Variants in VWF observed in about 807,000 individuals in gnomAD.
VWF encodes Factor VIII related antigen.
A neutral mutation model predicts 308.6 loss-of-function variants in VWF; 176 were observed. That is an observed-to-expected ratio of 0.57 (90% CI 0.50 to 0.65). The LOEUF (loss-of-function observed/expected upper bound fraction) is 0.65, where lower values mean the gene tolerates loss of function less well. Ranked by LOEUF, VWF falls within the 30% of genes least tolerant of loss-of-function variation. The pLI is 0.00. For missense variants in VWF, 3,146 were observed against 3,648.2 expected (o/e 0.86, Z 3.55); for synonymous variants, 1,385 against 1,443.4 (o/e 0.96, Z 0.92).
At chr12:5,996,879 C>T (rs557511747) in intron 34 of VWF, among the ~76,000 whole-genome samples, 1 of 152,154 alleles carries the variant, frequency 6.6e-6, no homozygotes, top group South Asian at 2.1e-4. Context: ...TCATTTTGCA[C>T]CTACATAAGA....
At chr12:5,972,814 C>T (rs1943491917) in intron 43 of VWF, among the ~76,000 whole-genome samples, 1 of 152,124 alleles carries the variant, frequency 6.6e-6, no homozygotes, top group Non-Finnish European at 1.5e-5. Context: ...TGTGTACACA[C>T]CCTCCAAGAT....
In VWF at chr12:6,111,674, A is replaced by G. The variant is rs1407745396; in HGVS notation, c.221-706T>C. Among the ~76,000 whole-genome samples the G allele has an allele frequency of 3.3e-5, 5 of 152,028 alleles. No individual in the cohort carries two copies. The East Asian group carries it at 9.6e-4, about 29-fold the overall frequency. On this transcript the variant is annotated intron_variant, in intron 3 of 51. Coordinates refer to ENST00000261405, the MANE Select transcript of VWF (RefSeq NM_000552.5). ...GTGCTATTTAAAATGGTATCGGTCG[A>G]GTGCGGTGGCTCACGCCTGTAATCC...
At chr12:6,118,376 C>CTTTT (rs71064189) in intron 3 of VWF, among the ~76,000 whole-genome samples, 3 of 65,512 alleles carry the variant, frequency 4.6e-5, no homozygotes, top group African/African-American at 5.0e-5. Context: ...CCTCTGGTCA[C>CTTTT]TTTTTTTTTT....
At position 6,034,582 on chromosome 12, in the gene VWF, C is replaced by T. The variant is rs138564551; in HGVS notation, c.2685+106G>A. The T allele has an allele frequency of 8.3e-4, 1,306 of 1,564,706 alleles. 11 individuals are homozygous for T. In the African/African-American group the frequency reaches 0.017, roughly 20 times the overall value. Reference sequence around the variant, plus strand: ...GGAAGTACTCCAGTAGAAACCAGACCCCAGAGTTGTTTCTGCAGACAGATC... The same window carrying T: ...GGAAGTACTCCAGTAGAAACCAGACTCCAGAGTTGTTTCTGCAGACAGATC... On this transcript the variant is annotated intron_variant, in intron 20 of 51. Coordinates refer to ENST00000261405, the MANE Select transcript of VWF (RefSeq NM_000552.5).
chr12:5,983,974 G>GGATAGATAGATA (rs71064178), intron 40 of VWF, among the ~76,000 whole-genome samples: 2,007 of 132,846 alleles, frequency 0.015, 19 homozygotes, highest in East Asian at 0.019. Context: ...ATGGATAGAT[G>GGATAGATAGATA]GATAGATAGA....
intron 7 of VWF, 106 bp from the exon 8 acceptor site, chr12:6,073,847 CCT>C: frequency 3.9e-6 from 6 of 1,545,996 alleles, no homozygotes; most frequent in Non-Finnish European, 5.3e-6. Flanking sequence ...TGACTGCTCC[CCT>C]CTGTCTTCAG....
At chr12:5,986,008 G>T (rs74600872) in intron 38 of VWF, among the ~76,000 whole-genome samples, 3 of 152,132 alleles carry the variant, frequency 2.0e-5, no homozygotes, top group Non-Finnish European at 4.4e-5. Flanking sequence ...GTTGTTGCTT[G>T]GGGAAAAAAA....
chr12:5,998,494 AAAAAATATATATATATATAT>A (rs1943835539), intron 34 of VWF, among the ~76,000 whole-genome samples: 1 of 36,478 alleles, frequency 2.7e-5, no homozygotes, highest in African/African-American at 1.4e-4. Context: ...AAAAAAAAAA[AAAAAATATATATATATATAT>A]ATATATATAT....
chr12:5,983,036 CTAGGTAG>C, intron 41 of VWF, 107 bp downstream of exon 41: 1 of 1,093,840 alleles, frequency 9.1e-7, no homozygotes, highest in South Asian at 1.3e-5. Flanking sequence ...CCAGATTCAG[CTAGGTAG>C]AAAACAGGAA....
intron 34 of VWF, among the ~76,000 whole-genome samples, chr12:6,000,768 C>T (rs1177253615): frequency 7.1e-6 from 1 of 140,840 alleles, no homozygotes; most frequent in East Asian, 2.2e-4. Flanking sequence ...GCCGAGATCG[C>T]GCCTCTGCAC....
At chr12:5,996,852 T>C (rs216904) in intron 34 of VWF, among the ~76,000 whole-genome samples, 58,751 of 151,850 alleles carry the variant, frequency 0.39, 12,017 homozygotes, top group East Asian at 0.75. Flanking sequence ...TATTAAAACA[T>C]TATTGGTGAA....
intron 6 of VWF, among the ~76,000 whole-genome samples, chr12:6,091,227 G>T (rs977166844): frequency 1.6e-4 from 23 of 144,868 alleles, no homozygotes; most frequent in African/African-American, 5.8e-4. Flanking sequence ...CCATGAAGAT[G>T]AAGACTCACT....
chr12:6,071,255 G>A lies in VWF; in HGVS notation c.1156+42C>T, dbSNP rs376410074. 222 of 1,607,770 alleles carry A rather than the reference G, an allele frequency of 1.4e-4. 1 individual carries two copies. The highest frequency in any genetic ancestry group is 5.3e-4 in the Admixed American group (32 of 59,972). ...GTAAGAGAGGAGGAGACGCCTCCCC[G>A]ATTCAGGGAAGGAGGAAGAGAATGA... On this transcript the variant is annotated intron_variant, in intron 10 of 51. Coordinates refer to ENST00000261405, the MANE Select transcript of VWF (RefSeq NM_000552.5).
chr12:6,023,817 C>A, intron 24 of VWF, 30 bp from the exon 25 acceptor site: 12 of 1,609,134 alleles, frequency 7.5e-6, no homozygotes, highest in Non-Finnish European at 1.0e-5. Flanking sequence ...TGGCCCAGGC[C>A]TATGGCCAGG....
chr12:6,016,664 G>C lies in VWF; in HGVS notation c.5171-8C>G. On this transcript the variant is annotated splice_region_variant and splice_polypyrimidine_tract_variant and intron_variant, in intron 29 of 51. Coordinates refer to ENST00000261405, the MANE Select transcript of VWF (RefSeq NM_000552.5). ...CCTGAGTGAGACGAGGCCCTAAACG[G>C]AACGAGAAAATGCGGATTATTTTGA... 6.2e-7 allele frequency: 1 copy of C among 1,614,196 alleles called. No individual in the cohort carries two copies. The highest frequency in any genetic ancestry group is 8.5e-7 in the Non-Finnish European group (1 of 1,180,034).
intron 43 of VWF, among the ~76,000 whole-genome samples, chr12:5,973,836 T>C (rs1943504433): frequency 1.3e-5 from 2 of 152,334 alleles, no homozygotes; most frequent in South Asian, 4.1e-4. Flanking sequence ...AGGAGTCAGA[T>C]GGCCATCAGG....
intron 3 of VWF, among the ~76,000 whole-genome samples, chr12:6,120,484 G>A (rs1945417245): frequency 6.6e-6 from 1 of 152,036 alleles, no homozygotes; most frequent in African/African-American, 2.4e-5. Flanking sequence ...TGTATTTTTA[G>A]TAGAGATGGG....
intron 5 of VWF, among the ~76,000 whole-genome samples, chr12:6,102,151 A>C (rs1945169620): frequency 6.6e-6 from 1 of 152,218 alleles, no homozygotes; most frequent in African/African-American, 2.4e-5. Context: ...GTTCAAAACC[A>C]TTACAGTCAG....
At position 5,996,205 on chromosome 12, in the gene VWF, A is replaced by G; in HGVS notation, c.5860T>C (p.Ser1954Pro). The change falls in exon 35 of 52, where the codon TCC becomes CCC. Residue 1954 changes from serine (S) to proline (P), a missense_variant. Transcript: ENST00000261405. ...TCAAAGGTCACGATGTGCCGAGTGG[A>G]GCTGCCTGTGCACACGCCTGGACAG... ...WTCPCVCTGS[S>P]TRHIVTFDGQ... 6.2e-7 allele frequency: 1 copy of G among 1,612,990 alleles called. No individual in the cohort carries two copies. Among genetic ancestry groups the G allele is most frequent in the Non-Finnish European group, 8.5e-7 (1 of 1,179,620 alleles).
Sources: allele counts gnomAD v4.1 joint callset (sites outside exome capture counted in the v4.1 genomes callset), GRCh38; gene constraint gnomAD v4.1.1; transcripts MANE v1.5; gene names NCBI Gene and HGNC (gene_info 2026-07-23, HGNC 2026-07-21).